The following MRPS25 variants were observed in gnomAD, a reference collection of about 807,000 sequenced individuals.
MRPS25 encodes small ribosomal subunit protein mS25.
Under a neutral mutation model 17.3 loss-of-function variants are expected in MRPS25, and 15 were observed. The observed-to-expected ratio is 0.87, with a 90% confidence interval of 0.58 to 1.34. The LOEUF is 1.34. Ranked by LOEUF, MRPS25 falls within the 40% of genes most tolerant of loss-of-function variation. The pLI, the probability that MRPS25 is intolerant of heterozygous loss-of-function variation, is 0.00. For missense variants in MRPS25, 225 were observed against 218.6 expected (o/e 1.03, Z -0.19); for synonymous variants, 94 against 83.3 (o/e 1.13, Z -0.70).
rs543062250 is a variant in MRPS25, at chr3:15,049,883, T to C, written c.*2558A>G. 6.6e-7 allele frequency: 1 copy of C among 1,519,306 alleles called. No homozygotes were observed. Among genetic ancestry groups the C allele is most frequent in the South Asian group, 1.2e-5 (1 of 83,224 alleles). 94.1% of individuals were successfully genotyped at this position (1,519,306 alleles called of 1,614,324 possible). A position where few individuals can be genotyped will look rare whatever the true frequency, so the allele number is the denominator to read the frequency against. On this transcript the variant is annotated 3_prime_UTR_variant, in exon 4 of 4. Transcript: ENST00000253686. ...GATCCTCCTGCCTCAGCCTCCTGAG[T>C]AACTGGGACCACAGCAGATGATACA...
At position 15,065,314 on chromosome 3, in the gene MRPS25, G is replaced by A; in HGVS notation, c.-120C>T. The A allele has an allele frequency of 7.2e-7, 1 of 1,382,114 alleles. No homozygotes were observed. Among genetic ancestry groups the A allele is most frequent in the East Asian group, 2.7e-5 (1 of 36,934 alleles). 85.6% of individuals were successfully genotyped at this position (1,382,114 alleles called of 1,614,324 possible). ...TCCCCAGAGCCAGGTTCCACTTCCC[G>A]CGCAGACGCACAGGAGACGCTTCCC... On this transcript the variant is annotated 5_prime_UTR_variant, in exon 1 of 4. Coordinates refer to ENST00000253686, the MANE Select transcript of MRPS25 (RefSeq NM_022497.5).
intron 1 of MRPS25, among the ~76,000 whole-genome samples, chr3:15,059,693 C>T (rs1048206357): frequency 2.6e-5 from 4 of 152,134 alleles, no homozygotes; most frequent in African/African-American, 9.7e-5. Context: ...TGTATCCCAA[C>T]CTGTACTGCA....
Position 15,052,275 on chromosome 3 carries a change from C to A in MRPS25, c.*166G>T. On this transcript the variant is annotated 3_prime_UTR_variant, in exon 4 of 4. Coordinates refer to ENST00000253686, the MANE Select transcript of MRPS25 (RefSeq NM_022497.5). ...TCATTTAGCAGCTCAGCTTCAGACC[C>A]TCCTCTCCCACATCCTTTTACACAG... is the stretch of plus-strand genomic sequence containing the variant. 7.2e-7 allele frequency: 1 copy of A among 1,392,726 alleles called. No individual in the cohort carries two copies. Among genetic ancestry groups the A allele is most frequent in the African/African-American group, 1.4e-5 (1 of 69,320 alleles). The allele number at this position is 1,392,726 out of a possible 1,614,324, so 86.3% of individuals were successfully genotyped here.
chr3:15,056,461 T>C (rs1270280454), intron 2 of MRPS25, among the ~76,000 whole-genome samples: 1 of 152,160 alleles, frequency 6.6e-6, no homozygotes, highest in Non-Finnish European at 1.5e-5. Context: ...TTAAGGGCCT[T>C]GAGTTGGGGA....
Position 15,049,903 on chromosome 3 carries a change from G to A in MRPS25, c.*2538C>T, listed in dbSNP as rs772862365. ...CTGAGTAACTGGGACCACAGCAGAT[G>A]ATACAGGTTTAGATGGTGCTGCCAG... On this transcript the variant is annotated 3_prime_UTR_variant, in exon 4 of 4. Transcript: ENST00000253686. 4.6e-6 allele frequency: 7 copies of A among 1,531,176 alleles called. No homozygotes were observed. The highest frequency in any genetic ancestry group is 1.2e-5 in the South Asian group (1 of 83,456). 94.8% of individuals were successfully genotyped at this position (1,531,176 alleles called of 1,614,324 possible). A position where few individuals can be genotyped will look rare whatever the true frequency, so the allele number is the denominator to read the frequency against.
chr3:15,050,448 T>TCTC lies in MRPS25; in HGVS notation c.*1990_*1992dup, dbSNP rs1448635022. ...TTTGGGCCCTAGAGGGAAGGAATACTCTCATAAGGCTTTGTGTGTCACTAG... is the reference window on the plus strand; with the variant it reads ...TTTGGGCCCTAGAGGGAAGGAATACTCTCCTCATAAGGCTTTGTGTGTCACTAG... On this transcript the variant is annotated 3_prime_UTR_variant, in exon 4 of 4. Transcript: ENST00000253686. The TCTC allele has an allele frequency of 6.0e-6, 6 of 996,862 alleles. No individual in the cohort carries two copies. The highest frequency in any genetic ancestry group is 7.2e-6 in the Non-Finnish European group (6 of 838,406). The allele number at this position is 996,862 out of a possible 1,614,324, so 61.8% of individuals were successfully genotyped here.
At chr3:15,053,512 C>T (rs777497357) in intron 2 of MRPS25, 45 bp from the exon 3 acceptor site, 8 of 1,611,814 alleles carry the variant, frequency 5.0e-6, no homozygotes, top group East Asian at 4.5e-5. Flanking sequence ...GAACTCACAG[C>T]GCACTCAGCC....
intron 3 of MRPS25, among the ~76,000 whole-genome samples, chr3:15,052,934 T>G (rs989376528): frequency 1.3e-5 from 2 of 152,234 alleles, no homozygotes; most frequent in African/African-American, 4.8e-5. Flanking sequence ...TAAAGGAGCC[T>G]GAAAAGGCCT....
downstream of MRPS25, chr3:15,046,411 T>A (rs2042453722): frequency 6.6e-6 from 1 of 152,240 alleles, no homozygotes; most frequent in Non-Finnish European, 1.5e-5. Flanking sequence ...TTATTAGCTG[T>A]CTTACTTGTT....
At position 15,051,917 on chromosome 3, in the gene MRPS25, A is replaced by AT. The variant is rs1208046774; in HGVS notation, c.*523_*524insA. The AT allele has an allele frequency of 1.0e-6, 1 of 985,508 alleles. No individual in the cohort carries two copies. The highest frequency in any genetic ancestry group is 1.2e-6 in the Non-Finnish European group (1 of 830,094). The allele number at this position is 985,508 out of a possible 1,614,324, so 61.0% of individuals were successfully genotyped here. ...GCAAGGGTAATCAACTGTACTTAAA[A>AT]AAGTGAGCACTGCACGAAGGGTTGC... On this transcript the variant is annotated 3_prime_UTR_variant, in exon 4 of 4. Coordinates refer to ENST00000253686, the MANE Select transcript of MRPS25 (RefSeq NM_022497.5).
chr3:15,065,078 C>A lies in MRPS25; in HGVS notation c.117G>T (p.Glu39Asp). The A allele has an allele frequency of 6.2e-7, 1 of 1,600,054 alleles. No individual in the cohort carries two copies. ...VMTVNYNTHGELGEGARKFVF... is the reference protein window; with the variant it reads ...VMTVNYNTHGDLGEGARKFVF... Reference sequence around the variant, plus strand: ...CGACTGACCTGGCGCCCTCGCCCAGCTCCCCATGCGTGTTGTAATTCACTG... The same window carrying A: ...CGACTGACCTGGCGCCCTCGCCCAGATCCCCATGCGTGTTGTAATTCACTG... Residue 39 changes from glutamate to aspartate, a missense_variant, in exon 1 of 4, where the codon GAG (glutamate) becomes GAT (aspartate). Transcript: ENST00000253686.
chr3:15,043,138 A>C, downstream of MRPS25: 1 of 787,272 alleles, frequency 1.3e-6, no homozygotes, highest in East Asian at 3.0e-5. Flanking sequence ...GTTTCTCCTT[A>C]TCTGTTAATC....
chr3:15,063,041 T>A, intron 1 of MRPS25, among the ~76,000 whole-genome samples: 3 of 140,864 alleles, frequency 2.1e-5, no homozygotes, highest in African/African-American at 2.7e-5. Context: ...CCAAGAATGA[T>A]CAATTGAAAA....
chr3:15,047,601 T>C (rs1483397514), downstream of MRPS25: 1 of 152,204 alleles, frequency 6.6e-6, no homozygotes, highest in African/African-American at 2.4e-5. Context: ...CTCCCAAAGA[T>C]GGTAGCAATT....
At chr3:15,057,032 C>T (rs555345575) in intron 2 of MRPS25, among the ~76,000 whole-genome samples, 2 of 152,320 alleles carry the variant, frequency 1.3e-5, no homozygotes, top group South Asian at 2.1e-4. Context: ...CCTACACACA[C>T]GTTTACTGTA....
chr3:15,057,778 T>G (rs771737725), intron 2 of MRPS25, among the ~76,000 whole-genome samples: 1 of 152,162 alleles, frequency 6.6e-6, no homozygotes, highest in Admixed American at 6.5e-5. Context: ...CTGAAGTAAA[T>G]TGCACCTCAA....
chr3:15,048,250 CAA>C (rs1004599202), downstream of MRPS25: 1 of 152,654 alleles, frequency 6.6e-6, no homozygotes, highest in Non-Finnish European at 1.5e-5. Flanking sequence ...CCTCATCCCA[CAA>C]GATTGTGCGA....
chr3:15,049,982 T>C lies in MRPS25; in HGVS notation c.*2459A>G. 6.8e-7 allele frequency: 1 copy of C among 1,479,562 alleles called. No individual in the cohort carries two copies. The highest frequency in any genetic ancestry group is 2.6e-5 in the East Asian group (1 of 37,836). 91.7% of individuals were successfully genotyped at this position (1,479,562 alleles called of 1,614,324 possible). On this transcript the variant is annotated 3_prime_UTR_variant, in exon 4 of 4. Transcript: ENST00000253686. ...CACTTCAGAATAAGGCTGTGAACAC[T>C]GCTTGTGCAAGTAAAATTAAGAACA...
chr3:15,053,165 C>T, intron 3 of MRPS25: 2 of 1,130,848 alleles, frequency 1.8e-6, no homozygotes, highest in Non-Finnish European at 2.4e-6. Context: ...ACTTCTCACA[C>T]TGTACAGCCA....
Sources: allele counts gnomAD v4.1 joint callset (sites outside exome capture counted in the v4.1 genomes callset), GRCh38; gene constraint gnomAD v4.1.1; transcripts MANE v1.5; gene names NCBI Gene and HGNC (gene_info 2026-07-23, HGNC 2026-07-21).